Variants in PARVB observed in about 807,000 individuals in gnomAD.
The protein encoded by PARVB is beta-parvin.
PARVB carries 46 observed loss-of-function variants against 47.0 expected under a neutral mutation model. That is an observed-to-expected ratio of 0.98 (90% CI 0.77 to 1.25). The LOEUF (loss-of-function observed/expected upper bound fraction) is 1.25. Ranked by LOEUF, PARVB falls within the 50% of genes most tolerant of loss-of-function variation. The pLI is 0.00. For missense variants in PARVB, 473 were observed against 471.6 expected, an observed-to-expected ratio of 1.00 and a Z score of -0.03; for synonymous variants, 196 against 196.3, an observed-to-expected ratio of 1.00 and a Z score of 0.01.
intron 12 of PARVB, among the ~76,000 whole-genome samples, chr22:44,166,516 T>G (rs2054171334): frequency 6.6e-6 from 1 of 152,184 alleles, no homozygotes; most frequent in South Asian, 2.1e-4. Context: ...CCGGATGTGT[T>G]TCCTACTCAT....
In PARVB at chr22:44,024,464, C is replaced by A; in HGVS notation, c.112+13C>A. The A allele has an allele frequency of 8.7e-7, 1 of 1,144,984 alleles. No individual in the cohort carries two copies. Among genetic ancestry groups the A allele is most frequent in the Non-Finnish European group, 1.1e-6 (1 of 930,970 alleles). 70.9% of individuals were successfully genotyped at this position (1,144,984 alleles called of 1,614,324 possible). A position where few individuals can be genotyped will look rare whatever the true frequency, so the allele number is the denominator to read the frequency against. On this transcript the variant is annotated intron_variant, in intron 1 of 12. Transcript: ENST00000338758. ...AGGGCGCGCGAGGGTGAGTGCGCGCCCGCGCCCGCCGACCCCCGGGGACCT... is the reference window on the plus strand; with the variant it reads ...AGGGCGCGCGAGGGTGAGTGCGCGCACGCGCCCGCCGACCCCCGGGGACCT...
intron 1 of PARVB, among the ~76,000 whole-genome samples, chr22:44,053,529 A>G (rs2146942727): frequency 6.6e-6 from 1 of 152,310 alleles, no homozygotes; most frequent in African/African-American, 2.4e-5. Flanking sequence ...ACTCACAGCA[A>G]CACAACAACA....
intron 2 of PARVB, among the ~76,000 whole-genome samples, chr22:44,096,822 G>A (rs975019078): frequency 2.6e-5 from 4 of 152,100 alleles, no homozygotes; most frequent in African/African-American, 9.7e-5. Context: ...GAGGGCGGGG[G>A]CTCGGTTCCC....
chr22:44,003,903 A>C (rs978299092), intron 2 of PARVB, among the ~76,000 whole-genome samples: 1 of 152,070 alleles, frequency 6.6e-6, no homozygotes, highest in African/African-American at 2.4e-5. Context: ...CCCTTCCCTG[A>C]AGTTGTTCCA....
At chr22:44,087,375 C>G (rs1192706745) in intron 1 of PARVB, among the ~76,000 whole-genome samples, 3 of 152,228 alleles carry the variant, frequency 2.0e-5, no homozygotes, top group Admixed American at 6.5e-5. Context: ...CTCTGGCCCC[C>G]CAGGACCTGT....
chr22:43,999,804 C>A (rs1293239352), intron 2 of PARVB: 5 of 400,058 alleles, frequency 1.2e-5, no homozygotes, highest in East Asian at 9.2e-5. Flanking sequence ...TGAGACTACT[C>A]TGCACAACAT....
chr22:44,067,355 G>T (rs190587034), intron 1 of PARVB, among the ~76,000 whole-genome samples: 1 of 152,218 alleles, frequency 6.6e-6, no homozygotes, highest in Non-Finnish European at 1.5e-5. Context: ...TTTCAAGTGC[G>T]TAGTTATTTT....
At chr22:44,078,100 AG>A (rs2051818196) in intron 1 of PARVB, among the ~76,000 whole-genome samples, 1 of 152,118 alleles carries the variant, frequency 6.6e-6, no homozygotes, top group African/African-American at 2.4e-5. Context: ...CTGAATTTGG[AG>A]CCCCAAGCTC....
intron 6 of PARVB, among the ~76,000 whole-genome samples, chr22:44,133,416 A>G (rs1364890665): frequency 1.3e-5 from 2 of 152,224 alleles, no homozygotes; most frequent in Non-Finnish European, 2.9e-5. Context: ...ATGCCCCATC[A>G]TCTCTTTTTT....
Position 44,024,433 on chromosome 22 carries a change from A to G in PARVB, c.94A>G (p.Lys32Glu). 8.2e-7 allele frequency: 1 copy of G among 1,213,536 alleles called. No homozygotes were observed. The highest frequency in any genetic ancestry group is 1.0e-6 in the Non-Finnish European group (1 of 966,652). The allele number at this position is 1,213,536 out of a possible 1,614,324, so 75.2% of individuals were successfully genotyped here. Residue 32 changes from lysine to glutamate, a missense_variant, in exon 1 of 13, where the codon AAG (lysine) becomes GAG (glutamate). Coordinates refer to ENST00000338758, the MANE Select transcript of PARVB (RefSeq NM_013327.5). ...CAAGCTGGGCGGCACCCTGGCCAGG[A>G]AGCGGAGGGCGCGCGAGGGTGAGTG... ...LGKLGGTLAR[K>E]RRAREVSDLQ...
At chr22:44,003,557 C>G (rs2050434021) in intron 2 of PARVB, among the ~76,000 whole-genome samples, 2 of 152,154 alleles carry the variant, frequency 1.3e-5, no homozygotes, top group African/African-American at 4.8e-5. Flanking sequence ...GCAGCCACGC[C>G]AGGACTGGAC....
rs367651996 is a variant in PARVB at position 44,094,543 on chromosome 22, G to A, written c.202+526G>A. 6.6e-5 allele frequency among the ~76,000 whole-genome samples: 10 copies of A among 152,122 alleles called. No individual in the cohort carries two copies. The South Asian group carries it at 1.0e-3, about 16-fold the overall frequency. On this transcript the variant is annotated intron_variant, in intron 2 of 12. Coordinates refer to ENST00000338758, the MANE Select transcript of PARVB (RefSeq NM_013327.5). ...CTCACTCTGTTACCCAAGCTGGGGTGCGGTGATATGATCACAGCTCATGGC... is the reference window on the plus strand; with the variant it reads ...CTCACTCTGTTACCCAAGCTGGGGTACGGTGATATGATCACAGCTCATGGC...
chr22:44,055,491 C>A (rs1417527935), intron 1 of PARVB, among the ~76,000 whole-genome samples: 2 of 151,944 alleles, frequency 1.3e-5, no homozygotes, highest in African/African-American at 2.4e-5. Context: ...CTGGCCACCA[C>A]ACCCGGCTAA....
chr22:44,155,535 G>A lies in PARVB; in HGVS notation c.844-2447G>A, dbSNP rs1464437961. Among the ~76,000 whole-genome samples the A allele has an allele frequency of 1.3e-5, 2 of 152,164 alleles. No individual in the cohort carries two copies. The highest frequency in any genetic ancestry group is 4.8e-5 in the African/African-American group (2 of 41,438). On this transcript the variant is annotated intron_variant, in intron 10 of 12. Transcript: ENST00000338758. This position sits in a 1 kb window ranked among gnomAD's most constrained non-coding sequence, Gnocchi z 4.8. ...GGAAGAAAAGACTCAGCAGGCTCAGGGCCTGCGGGAGCAGCGGCGTGGCCA... is the reference window on the plus strand; with the variant it reads ...GGAAGAAAAGACTCAGCAGGCTCAGAGCCTGCGGGAGCAGCGGCGTGGCCA...
intron 2 of PARVB, among the ~76,000 whole-genome samples, chr22:44,017,353 C>G (rs2050594507): frequency 6.6e-6 from 1 of 152,136 alleles, no homozygotes; most frequent in Non-Finnish European, 1.5e-5. Context: ...TAAACTTTAC[C>G]AAGAAGGCCC....
At chr22:44,136,375 GC>G in intron 6 of PARVB, 84 bp from the exon 7 acceptor site, 2 of 1,185,246 alleles carry the variant, frequency 1.7e-6, no homozygotes, top group South Asian at 2.4e-5. Flanking sequence ...ATGATCTCCG[GC>G]CCCGCAGCTT....
chr22:44,090,372 G>A (rs1249446879), intron 1 of PARVB, among the ~76,000 whole-genome samples: 1 of 152,206 alleles, frequency 6.6e-6, no homozygotes, highest in Non-Finnish European at 1.5e-5. Flanking sequence ...TTCAGAATGC[G>A]CTGCTGAGCA....
intron 1 of PARVB, among the ~76,000 whole-genome samples, chr22:44,025,235 TC>T (rs1446802074): frequency 2.0e-5 from 3 of 151,838 alleles, no homozygotes; most frequent in Middle Eastern, 3.2e-3. Flanking sequence ...CTCAGGTGGG[TC>T]CCCGGGAAGG....
intron 1 of PARVB, among the ~76,000 whole-genome samples, chr22:44,082,764 G>A (rs2051935380): frequency 6.6e-6 from 1 of 152,118 alleles, no homozygotes; most frequent in Admixed American, 6.5e-5. Context: ...TTTTTCTGTG[G>A]TTCTAACATT....
Sources: allele counts gnomAD v4.1 joint callset (sites outside exome capture counted in the v4.1 genomes callset), GRCh38; gene constraint gnomAD v4.1.1; non-coding constraint Gnocchi (gnomAD v3.1); transcripts MANE v1.5; gene names NCBI Gene and HGNC (gene_info 2026-07-23, HGNC 2026-07-21).